GALP: variants seen among roughly 807,000 people sequenced by gnomAD.
GALP encodes galanin-like peptide.
In GALP, 12 loss-of-function variants were observed where a neutral mutation model predicts 15.2. That is an observed-to-expected ratio of 0.79 (90% CI 0.51 to 1.28). GALP has a LOEUF of 1.28. Ranked by LOEUF, GALP falls within the 50% of genes most tolerant of loss-of-function variation. The pLI is 0.00. For missense variants in GALP, 161 were observed against 145.6 expected (o/e 1.11, Z -0.55); for synonymous variants, 58 against 55.1 (o/e 1.05, Z -0.23).
At chr19:56,182,908 A>AG (rs2032590854) in intron 4 of GALP, among the ~76,000 whole-genome samples, 1 of 152,068 alleles carries the variant, frequency 6.6e-6, no homozygotes, top group Non-Finnish European at 1.5e-5. Flanking sequence ...TTTGTTATAT[A>AG]GGAAAACTTG....
intron 2 of GALP, among the ~76,000 whole-genome samples, chr19:56,178,939 C>T (rs1346229418): frequency 7.9e-5 from 12 of 152,160 alleles, no homozygotes; most frequent in Admixed American, 7.9e-4. Flanking sequence ...CTTTGGGAGG[C>T]CGAGGAGGGC....
intron 2 of GALP, among the ~76,000 whole-genome samples, chr19:56,178,521 C>CAAA (rs80223966): frequency 0.094 from 8,016 of 85,114 alleles, 437 homozygotes; most frequent in Middle Eastern, 0.12. Flanking sequence ...ACAACAACAA[C>CAAA]AAAAAAAAAA....
rs983186653 is a variant in GALP, at chr19:56,179,244, T to A, written c.88-1342T>A. On this transcript the variant is annotated intron_variant, in intron 2 of 5. Transcript: ENST00000357330. The stretch of plus-strand genomic sequence containing the variant: ...CCACCTGGGTTTGAGTCCCAGCTGT[T>A]CTTCTTAGTGTGTTGCAATTTGTTG... 3.9e-5 allele frequency among the ~76,000 whole-genome samples: 6 copies of A among 151,916 alleles called. No homozygotes were observed. The East Asian group carries it at 1.2e-3, about 29-fold the overall frequency.
intron 2 of GALP, among the ~76,000 whole-genome samples, chr19:56,178,518 CAACAAA>C (rs1300563211): frequency 2.4e-4 from 14 of 57,396 alleles, no homozygotes; most frequent in African/African-American, 1.4e-3. Flanking sequence ...CTAACAACAA[CAACAAA>C]AAAAAAAAAA....
chr19:56,180,865 A>ATCTC (rs367651710), intron 3 of GALP, among the ~76,000 whole-genome samples: 4 of 136,312 alleles, frequency 2.9e-5, no homozygotes, highest in Admixed American at 7.5e-5. Context: ...TGCAACCTTG[A>ATCTC]TCTCTCTCTC....
At chr19:56,178,521 C>CAACAA (rs57740707) in intron 2 of GALP, among the ~76,000 whole-genome samples, 3 of 85,776 alleles carry the variant, frequency 3.5e-5, no homozygotes, top group African/African-American at 1.3e-4. Flanking sequence ...ACAACAACAA[C>CAACAA]AAAAAAAAAA....
At chr19:56,177,699 A>G (rs1311616886) in intron 2 of GALP, among the ~76,000 whole-genome samples, 1 of 152,012 alleles carries the variant, frequency 6.6e-6, no homozygotes, top group African/African-American at 2.4e-5. Context: ...CCTCCACAGC[A>G]TGGGCTGTAG....
At chr19:56,179,275 T>C (rs972754095) in intron 2 of GALP, among the ~76,000 whole-genome samples, 4 of 151,636 alleles carry the variant, frequency 2.6e-5, no homozygotes, top group African/African-American at 9.7e-5. Context: ...TGTTGCAATT[T>C]GCAGAATCTT....
chr19:56,184,884 G>A (rs77408504), intron 5 of GALP, among the ~76,000 whole-genome samples: 187 of 152,250 alleles, frequency 1.2e-3, no homozygotes, highest in Middle Eastern at 6.8e-3. Flanking sequence ...GGTATGATAC[G>A]CTCCCTGAAT....
chr19:56,180,913 TTC>T lies in GALP; in HGVS notation c.136+281_136+282del, dbSNP rs1491052655. Among the ~76,000 whole-genome samples the T allele has an allele frequency of 3.9e-3, 206 of 52,378 alleles. 9 individuals are homozygous for T. The East Asian group carries it at 0.069, about 18-fold the overall frequency. 34.4% of individuals were successfully genotyped at this position (52,378 alleles called of 152,430 possible). Reference sequence around the variant, plus strand: ...ACTCTTTCTTTCTTTCTTTCTTTCTTTCTTTTTTTTTTTTTTTTTTTTTTGAC... The same window carrying T: ...ACTCTTTCTTTCTTTCTTTCTTTCTTTTTTTTTTTTTTTTTTTTTTTTGAC... On this transcript the variant is annotated intron_variant, in intron 3 of 5. Transcript: ENST00000357330.
chr19:56,184,128 G>T (rs2032614847), intron 5 of GALP, among the ~76,000 whole-genome samples: 1 of 151,516 alleles, frequency 6.6e-6, no homozygotes, highest in Non-Finnish European at 1.5e-5. Flanking sequence ...GCTAATTTTG[G>T]TATTTTTAGT....
chr19:56,184,145 G>A (rs1341219240), intron 5 of GALP, among the ~76,000 whole-genome samples: 5 of 151,902 alleles, frequency 3.3e-5, no homozygotes, highest in South Asian at 2.1e-4. Flanking sequence ...TAGTAGAGAC[G>A]GGGTTTTGCC....
rs188785823 is a variant in GALP, at chr19:56,180,516, A to G, written c.88-70A>G. Reference sequence around the variant, plus strand: ...GGAAAGTCGTATGACGACCCACATCACCCCGGACCTGTGGGACGCCTGCCC... The same window carrying G: ...GGAAAGTCGTATGACGACCCACATCGCCCCGGACCTGTGGGACGCCTGCCC... On this transcript the variant is annotated intron_variant, in intron 2 of 5. Transcript: ENST00000357330. 2,459 of 1,300,932 alleles carry G rather than the reference A, an allele frequency of 1.9e-3. 9 individuals carry two copies. Among genetic ancestry groups the G allele is most frequent in the Non-Finnish European group, 1.5e-3 (1,302 of 895,258 alleles). 80.6% of individuals were successfully genotyped at this position (1,300,932 alleles called of 1,614,324 possible).
intron 3 of GALP, 100 bp from the exon 4 acceptor site, chr19:56,182,072 C>A: frequency 2.4e-6 from 2 of 827,144 alleles, no homozygotes; most frequent in South Asian, 1.5e-5. Context: ...TTGGTGGAGG[C>A]GCTGCGTCCG....
chr19:56,179,287 C>G (rs1220671440), intron 2 of GALP, among the ~76,000 whole-genome samples: 2 of 150,604 alleles, frequency 1.3e-5, no homozygotes, highest in African/African-American at 4.9e-5. Context: ...CAGAATCTTT[C>G]TGGGCCTCAA....
chr19:56,178,639 C>A (rs1482238334), intron 2 of GALP, among the ~76,000 whole-genome samples: 1 of 151,814 alleles, frequency 6.6e-6, no homozygotes, highest in South Asian at 2.1e-4. Flanking sequence ...TTCTTTGAGC[C>A]TCCTTTTTTT....
chr19:56,182,055 G>A (rs765425140), intron 3 of GALP, 117 bp from the exon 4 acceptor site: 79 of 755,308 alleles, frequency 1.0e-4, no homozygotes, highest in Admixed American at 8.9e-4. Flanking sequence ...CACCCCGTCC[G>A]ACAGACTTGG....
At chr19:56,178,318 C>T (rs987047398) in intron 2 of GALP, among the ~76,000 whole-genome samples, 1 of 151,304 alleles carries the variant, frequency 6.6e-6, no homozygotes, top group Non-Finnish European at 1.5e-5. Context: ...AAAAAATTAA[C>T]TAGGTATGGT....
rs180862946 is a variant in GALP at position 56,179,468 on chromosome 19, C to T, written c.88-1118C>T. 8.0e-3 allele frequency among the ~76,000 whole-genome samples: 1,200 copies of T among 149,560 alleles called. 9 individuals carry two copies. Among genetic ancestry groups the T allele is most frequent in the African/African-American group, 0.017 (717 of 41,112 alleles). ...GACTACAGGCACCCGCCACCACGCC[C>T]GGCTATTATATATATATATATTTTG... On this transcript the variant is annotated intron_variant, in intron 2 of 5. Coordinates refer to ENST00000357330, the MANE Select transcript of GALP (RefSeq NM_033106.4).
Sources: gnomAD v4.1 joint callset for allele counts (sites outside exome capture counted in the v4.1 genomes callset) on GRCh38, gnomAD v4.1.1 for gene constraint, MANE v1.5 for transcripts, NCBI Gene and HGNC (gene_info 2026-07-23, HGNC 2026-07-21) for gene names.